The following LINGO1 variants were observed in gnomAD, a reference collection of about 807,000 sequenced individuals.
LINGO1 encodes the protein leucine-rich repeat and immunoglobulin-like domain-containing nogo receptor-interacting protein 1.
Under a neutral mutation model 37.3 loss-of-function variants are expected in LINGO1, and 11 were observed. That is an observed-to-expected ratio of 0.29 (90% CI 0.19 to 0.49). The LOEUF (loss-of-function observed/expected upper bound fraction) is 0.49, where lower values mean the gene tolerates loss of function less well. LINGO1 is among the 20% of genes least tolerant of loss of function. The pLI, the probability that LINGO1 is intolerant of heterozygous loss-of-function variation, is 0.99. For missense variants in LINGO1, 585 were observed against 878.2 expected (o/e 0.67, Z 4.22); for synonymous variants, 387 against 403.0 (o/e 0.96, Z 0.48).
At chr15:77,819,687 C>T (rs1415210690) in intron 1 of LINGO1, among the ~76,000 whole-genome samples, 4 of 151,154 alleles carry the variant, frequency 2.6e-5, no homozygotes, top group Non-Finnish European at 4.4e-5. Flanking sequence ...CGGAGCGCGG[C>T]CCTGGGCCCC....
chr15:77,656,258 G>A (rs1355607938), intron 3 of LINGO1, among the ~76,000 whole-genome samples: 1 of 152,138 alleles, frequency 6.6e-6, no homozygotes, highest in East Asian at 1.9e-4. Flanking sequence ...GGGGAAAGGA[G>A]GTCCCTGATC....
rs2075636070 is a variant in LINGO1 at position 77,693,266 on chromosome 15, G to C, written c.-280-2365C>G. 2.0e-5 allele frequency among the ~76,000 whole-genome samples: 3 copies of C among 152,160 alleles called. No individual in the cohort carries two copies. The South Asian group carries it at 6.2e-4, about 32-fold the overall frequency. ...ATTCACTGGGGTACAACACAGACAA[G>C]GTTGGTACTCTCATGAGGACAGGGG... On this transcript the variant is annotated intron_variant, in intron 1 of 3. Transcript: ENST00000559893.
At chr15:77,782,885 C>T (rs933269985) in intron 1 of LINGO1, among the ~76,000 whole-genome samples, 1 of 152,172 alleles carries the variant, frequency 6.6e-6, no homozygotes, top group African/African-American at 2.4e-5. Flanking sequence ...CTGTCACTCA[C>T]TGGCTTAATC....
intron 1 of LINGO1, among the ~76,000 whole-genome samples, chr15:77,626,999 A>G (rs886298557): frequency 1.1e-5 from 1 of 95,086 alleles, no homozygotes; most frequent in African/African-American, 9.9e-5. Flanking sequence ...GCTAGGCAGA[A>G]GAAGCGTGCT....
At chr15:77,774,704 C>T (rs143266805) in intron 1 of LINGO1, among the ~76,000 whole-genome samples, 30 of 152,282 alleles carry the variant, frequency 2.0e-4, no homozygotes, top group African/African-American at 7.0e-4. Flanking sequence ...ATGAGAGCAG[C>T]AGTCTAACAG....
intron 1 of LINGO1, among the ~76,000 whole-genome samples, chr15:77,819,793 G>A (rs2077083157): frequency 6.6e-6 from 1 of 150,920 alleles, no homozygotes; most frequent in Non-Finnish European, 1.5e-5. Context: ...CCGCGGCCGC[G>A]CTCCCAGCCC....
upstream of LINGO1, among the ~76,000 whole-genome samples, chr15:77,697,403 CGGGTGGGGACAATTCCA>C (rs764260258): frequency 5.3e-5 from 8 of 152,074 alleles, no homozygotes; most frequent in Non-Finnish European, 1.2e-4. Context: ...GCAGGGCCTG[CGGGTGGGGACAATTCCA>C]GGGTAAGACG....
upstream of LINGO1, among the ~76,000 whole-genome samples, chr15:77,634,927 G>A (rs2074367049): frequency 6.6e-6 from 1 of 152,198 alleles, no homozygotes; most frequent in Admixed American, 6.5e-5. Flanking sequence ...GGGGGCGAGG[G>A]CTATTCCTGG....
chr15:77,715,688 C>T (rs189286394), intron 2 of LINGO1, among the ~76,000 whole-genome samples: 194 of 152,352 alleles, frequency 1.3e-3, no homozygotes, highest in African/African-American at 4.3e-3. Context: ...GCCCCTCCTG[C>T]GCTGGGGCCT....
In LINGO1 at chr15:77,614,421, G is replaced by T; in HGVS notation, c.1486C>A (p.Leu496Met). The T allele has an allele frequency of 6.2e-7, 1 of 1,612,444 alleles. No homozygotes were observed. Among genetic ancestry groups the T allele is most frequent in the Non-Finnish European group, 8.5e-7 (1 of 1,179,810 alleles). ...YAQVQDNGTY[L>M]CIAANAGGND... ...CCGCCCGCGTTGGCCGCGATGCACA[G>T]GTACGTGCCGTTGTCCTGTACCTGG... Residue 496 changes from leucine (L) to methionine (M), a missense_variant, in exon 2 of 2, where the codon CTG becomes ATG. Transcript: ENST00000355300.
intron 1 of LINGO1, among the ~76,000 whole-genome samples, chr15:77,622,257 C>A (rs999268468): frequency 6.6e-6 from 1 of 150,754 alleles, no homozygotes; most frequent in Non-Finnish European, 1.5e-5. Context: ...GTGGGTGAGG[C>A]TGCAGAGGAG....
intron 1 of LINGO1, among the ~76,000 whole-genome samples, chr15:77,631,688 G>A (rs959637002): frequency 1.2e-4 from 19 of 152,368 alleles, no homozygotes; most frequent in Non-Finnish European, 2.2e-4. Context: ...AGAAGCCCGG[G>A]CTGAACGCAG....
intron 3 of LINGO1, chr15:77,648,026 C>T (rs751846219): frequency 1.3e-4 from 53 of 423,344 alleles, no homozygotes; most frequent in African/African-American, 5.5e-4. Flanking sequence ...CTGAGACATC[C>T]GGAAAGGAAA....
chr15:77,818,616 C>T (rs2077067914), intron 1 of LINGO1, among the ~76,000 whole-genome samples: 1 of 152,122 alleles, frequency 6.6e-6, no homozygotes, highest in Non-Finnish European at 1.5e-5. Context: ...GCAGAAGGCG[C>T]GGGGACACAC....
At chr15:77,622,940 T>G (rs8024932) in intron 1 of LINGO1, among the ~76,000 whole-genome samples, 32,677 of 152,150 alleles carry the variant, frequency 0.21, 5,171 homozygotes, top group African/African-American at 0.45. Flanking sequence ...CCACACTGCT[T>G]CTGGGCTTCT....
chr15:77,676,795 G>A (rs1354600230), intron 3 of LINGO1, among the ~76,000 whole-genome samples: 1 of 152,242 alleles, frequency 6.6e-6, no homozygotes, highest in Non-Finnish European at 1.5e-5. Context: ...GGACAGCAAC[G>A]CTGGGGTTGC....
At chr15:77,772,496 A>G (rs1226550878) in intron 1 of LINGO1, among the ~76,000 whole-genome samples, 2 of 152,102 alleles carry the variant, frequency 1.3e-5, no homozygotes, top group Non-Finnish European at 2.9e-5. Flanking sequence ...CTGCTCCCTG[A>G]GCAGTCGGCC....
At chr15:77,686,069 G>A (rs1474320100) in intron 2 of LINGO1, among the ~76,000 whole-genome samples, 1 of 152,146 alleles carries the variant, frequency 6.6e-6, no homozygotes, top group Admixed American at 6.5e-5. Flanking sequence ...ATGGGTGTGA[G>A]TGCCTGGAAA....
chr15:77,813,341 C>T (rs1314770096), intron 1 of LINGO1, among the ~76,000 whole-genome samples: 4 of 152,046 alleles, frequency 2.6e-5, no homozygotes. Context: ...AGGAGGACAG[C>T]GACAGCCCAT....
Sources: allele counts gnomAD v4.1 joint callset (sites outside exome capture counted in the v4.1 genomes callset), GRCh38; gene constraint gnomAD v4.1.1; transcripts MANE v1.5; gene names NCBI Gene and HGNC (gene_info 2026-07-23, HGNC 2026-07-21).